ELK3: variants seen among roughly 807,000 people sequenced by gnomAD.
The protein encoded by ELK3 is ETS transcription factor ELK3.
ELK3 carries 10 observed loss-of-function variants against 28.9 expected under a neutral mutation model. The ratio of observed to expected loss-of-function variants is 0.35; its 90% CI spans 0.21 to 0.59. The LOEUF is 0.59. Ranked by LOEUF, ELK3 falls within the 20% of genes least tolerant of loss-of-function variation. The pLI is 0.82. For synonymous variants in ELK3, 272 were observed against 243.5 expected, an observed-to-expected ratio of 1.12 and a Z score of -1.09; for missense variants, 463 against 517.3, an observed-to-expected ratio of 0.90 and a Z score of 1.02.
intron 4 of ELK3, 63 bp downstream of exon 4, chr12:96,259,916 C>T: frequency 2.0e-6 from 3 of 1,512,090 alleles, no homozygotes; most frequent in Non-Finnish European, 2.7e-6. Flanking sequence ...TTCTCTAAAT[C>T]CTGCAGAGGT....
intron 1 of ELK3, among the ~76,000 whole-genome samples, chr12:96,197,440 A>G (rs1203105917): frequency 6.6e-6 from 1 of 152,194 alleles, no homozygotes; most frequent in African/African-American, 2.4e-5. Flanking sequence ...AGATGATGAA[A>G]GCTCTTTAAC....
At chr12:96,217,179 A>G (rs1185933165) in intron 1 of ELK3, among the ~76,000 whole-genome samples, 14 of 152,258 alleles carry the variant, frequency 9.2e-5, no homozygotes, top group Admixed American at 9.2e-4. Flanking sequence ...TGACCCCAGG[A>G]GGCTGAGGCT....
In ELK3 at chr12:96,247,834, G is replaced by A. The variant is rs1592686944; in HGVS notation, c.1002+100G>A. The A allele has an allele frequency of 2.2e-6, 3 of 1,346,832 alleles. No homozygotes were observed. The highest frequency in any genetic ancestry group is 3.1e-5 in the South Asian group (2 of 65,230). 83.4% of individuals were successfully genotyped at this position (1,346,832 alleles called of 1,614,324 possible). A position where few individuals can be genotyped will look rare whatever the true frequency, so the allele number is the denominator to read the frequency against. On this transcript the variant is annotated intron_variant, in intron 3 of 4. Transcript: ENST00000228741. The surrounding 1 kb of genome is among the most constrained non-coding windows in gnomAD (Gnocchi z 5.5). Reference sequence around the variant, plus strand: ...ACTTCCTTCTGTCCCTCAAAACGTTGTCCTATGACTCGTACCGAGGTCACT... The same window carrying A: ...ACTTCCTTCTGTCCCTCAAAACGTTATCCTATGACTCGTACCGAGGTCACT...
chr12:96,266,074 G>A (rs1952027513), intron 4 of ELK3, among the ~76,000 whole-genome samples: 1 of 152,000 alleles, frequency 6.6e-6, no homozygotes, highest in Non-Finnish European at 1.5e-5. Context: ...TGTAAAATGG[G>A]GACAACAAAA....
At chr12:96,263,384 CTAAGGA>C (rs1210159134) in intron 4 of ELK3, among the ~76,000 whole-genome samples, 1 of 152,140 alleles carries the variant, frequency 6.6e-6, no homozygotes, top group Admixed American at 6.5e-5. Flanking sequence ...TTCTTCTTGT[CTAAGGA>C]TGTCTGTTCC....
At chr12:96,244,416 C>T (rs1221164304) in intron 2 of ELK3, among the ~76,000 whole-genome samples, 2 of 150,930 alleles carry the variant, frequency 1.3e-5, no homozygotes, top group Non-Finnish European at 2.9e-5. Context: ...CCAACTTAGA[C>T]ATGATGTTCC....
At chr12:96,222,096 G>A (rs1394662282) in intron 1 of ELK3, among the ~76,000 whole-genome samples, 2 of 152,138 alleles carry the variant, frequency 1.3e-5, no homozygotes, top group African/African-American at 4.8e-5. Context: ...TTGATCCGTG[G>A]CAAAGCTTTT....
In ELK3 at chr12:96,247,665, C is replaced by G; in HGVS notation, c.933C>G (p.Ile311Met). The change falls in exon 3 of 5, where the codon ATC becomes ATG. Residue 311 changes from isoleucine (I) to methionine (M), a missense_variant. Ile to Met is a conservative substitution (Grantham distance 10). Around this residue, in one of 2 missense-constraint regions of ELK3, gnomAD observed 408 missense variants for 414.8 expected, o/e 0.98. Transcript: ENST00000228741. This position sits in a 1 kb window ranked among gnomAD's most constrained non-coding sequence, Gnocchi z 5.5. ...APPLVLSGTD[I>M]GSIALNSPAL... ...CGCTGGTGCTCTCCGGCACCGACAT[C>G]GGCTCCATCGCCCTCAACAGCCCAG... 3.7e-6 allele frequency: 6 copies of G among 1,612,264 alleles called. No homozygotes were observed. Among genetic ancestry groups the G allele is most frequent in the South Asian group, 1.1e-5 (1 of 91,028 alleles).
At chr12:96,205,217 GGAAA>G (rs533985149) in intron 1 of ELK3, among the ~76,000 whole-genome samples, 3 of 152,172 alleles carry the variant, frequency 2.0e-5, no homozygotes, top group Non-Finnish European at 4.4e-5. Flanking sequence ...AGAATTTGCA[GGAAA>G]GAAGAAAGCA....
rs747025068 is a variant in ELK3, at chr12:96,246,960, C to T, written c.228C>T (p.Ile76=). Residue 76 remains isoleucine, a synonymous_variant, in exon 3 of 5, where the codon ATC becomes ATT. Coordinates refer to ENST00000228741, the MANE Select transcript of ELK3 (RefSeq NM_005230.4). The part of the protein sequence containing the change: ...YYDKNIIKKV[I]GQKFVYKFVS... ...TGCAGAACATCATCAAGAAGGTGAT[C>T]GGGCAGAAGTTTGTGTACAAGTTTG... 2.4e-5 allele frequency: 39 copies of T among 1,597,970 alleles called. No homozygotes were observed. The highest frequency in any genetic ancestry group is 1.1e-4 in the East Asian group (5 of 44,642).
chr12:96,215,456 C>T (rs554148816), intron 1 of ELK3, among the ~76,000 whole-genome samples: 5 of 152,112 alleles, frequency 3.3e-5, no homozygotes, highest in Non-Finnish European at 5.9e-5. Flanking sequence ...ACACCTGAAG[C>T]TGGGATCGTG....
chr12:96,224,819 T>C lies in ELK3; in HGVS notation c.207+1046T>C, dbSNP rs541740904. 8.3e-4 allele frequency among the ~76,000 whole-genome samples: 126 copies of C among 152,370 alleles called. 1 individual carries two copies. The highest frequency in any genetic ancestry group is 2.9e-3 in the African/African-American group (120 of 41,600). ...TTTTGTTCTGGTTTTATTGTTCATA[T>C]TAAAAGGTGAATTAAAAACTGATTT... On this transcript the variant is annotated intron_variant, in intron 2 of 4. Coordinates refer to ENST00000228741, the MANE Select transcript of ELK3 (RefSeq NM_005230.4).
chr12:96,247,600 A>G lies in ELK3; in HGVS notation c.868A>G (p.Lys290Glu). Residue 290 changes from lysine (K) to glutamate (E), a missense_variant, in exon 3 of 5, where the codon AAG becomes GAG. Transcript: ENST00000228741. This position sits in a 1 kb window ranked among gnomAD's most constrained non-coding sequence, Gnocchi z 5.5. ...SKTKSPSLPP[K>E]AKKPKGLEIS... is the part of the protein sequence containing the mutation. ...GACCAAGTCTCCATCTCTTCCCCCA[A>G]AGGCCAAAAAACCCAAAGGCTTGGA... The G allele has an allele frequency of 1.2e-6, 2 of 1,613,612 alleles. No homozygotes were observed. Among genetic ancestry groups the G allele is most frequent in the Non-Finnish European group, 8.5e-7 (1 of 1,179,934 alleles).
At chr12:96,244,643 AAAAT>A (rs1348631131) in intron 2 of ELK3, among the ~76,000 whole-genome samples, 1 of 152,172 alleles carries the variant, frequency 6.6e-6, no homozygotes, top group Non-Finnish European at 1.5e-5. Context: ...CTGAGGGAAA[AAAAT>A]AAAGTTTTTC....
chr12:96,262,714 A>ATGGT (rs1952002100), intron 4 of ELK3, among the ~76,000 whole-genome samples: 2 of 152,236 alleles, frequency 1.3e-5, no homozygotes, highest in African/African-American at 4.8e-5. Flanking sequence ...ACAACAAAAT[A>ATGGT]TGGTAGAGGA....
Position 96,247,536 on chromosome 12 carries a change from C to A in ELK3, c.804C>A (p.Ser268=). 1 of 1,614,144 alleles carries A rather than the reference C, an allele frequency of 6.2e-7. No homozygotes were observed. The highest frequency in any genetic ancestry group is 1.1e-5 in the South Asian group (1 of 91,078). ...SLFLEAACHD[S]DSLEPLNLSS... ...TCCTGGAGGCCGCCTGCCATGACTCCGATTCCCTGGAGCCCTTGAACCTGT... is the reference window on the plus strand; with the variant it reads ...TCCTGGAGGCCGCCTGCCATGACTCAGATTCCCTGGAGCCCTTGAACCTGT... The change falls in exon 3 of 5, where the codon TCC becomes TCA. Residue 268 remains serine (S), a synonymous_variant. Transcript: ENST00000228741. This position sits in a 1 kb window ranked among gnomAD's most constrained non-coding sequence, Gnocchi z 5.5.
At chr12:96,241,627 C>G (rs1013239969) in intron 2 of ELK3, among the ~76,000 whole-genome samples, 1 of 152,172 alleles carries the variant, frequency 6.6e-6, no homozygotes, top group Non-Finnish European at 1.5e-5. Flanking sequence ...GTCACGAGAT[C>G]CTGTCATGGG....
chr12:96,225,973 G>A (rs755159488), intron 2 of ELK3, among the ~76,000 whole-genome samples: 1 of 151,982 alleles, frequency 6.6e-6, no homozygotes, highest in African/African-American at 2.4e-5. Context: ...TCACAACAAA[G>A]AATTAAAAAT....
intron 3 of ELK3, among the ~76,000 whole-genome samples, chr12:96,255,824 C>T (rs1592690657): frequency 1.3e-5 from 2 of 152,216 alleles, no homozygotes; most frequent in South Asian, 4.2e-4. Context: ...AATGTTACTC[C>T]AGAGTCAGAT....
Sources: allele counts gnomAD v4.1 joint callset (sites outside exome capture counted in the v4.1 genomes callset), GRCh38; gene constraint gnomAD v4.1.1; regional missense constraint gnomAD v4.1.1; non-coding constraint Gnocchi (gnomAD v3.1); transcripts MANE v1.5; gene names NCBI Gene and HGNC (gene_info 2026-07-23, HGNC 2026-07-21).